CSMD1: variants seen among roughly 807,000 people sequenced by gnomAD.
The protein encoded by CSMD1 is CUB and Sushi multiple domains 1.
Under a neutral mutation model 417.5 loss-of-function variants are expected in CSMD1, and 213 were observed. The ratio of observed to expected loss-of-function variants is 0.51; its 90% CI spans 0.46 to 0.57. The LOEUF (loss-of-function observed/expected upper bound fraction) is 0.57. Among genes scored for constraint, CSMD1 ranks in the 20% least tolerant of loss-of-function variants. The pLI is 0.00. For synonymous variants in CSMD1, 2,862 were observed against 1,736.8 expected, an observed-to-expected ratio of 1.65 and a Z score of -16.11; for missense variants, 6,923 against 4,529.7, an observed-to-expected ratio of 1.53 and a Z score of -15.17.
chr8:3,284,363 A>C lies in CSMD1; in HGVS notation c.3951-17T>G. On this transcript the variant is annotated splice_polypyrimidine_tract_variant and intron_variant, in intron 25 of 69. Transcript: ENST00000635120. ...AAATGGAGGCTGCAAGAGAGAACAC[A>C]GTAGCGCTACTTGCCGTGCATCGAG... The C allele has an allele frequency of 6.3e-7, 1 of 1,596,784 alleles. No individual in the cohort carries two copies. The highest frequency in any genetic ancestry group is 8.6e-7 in the Non-Finnish European group (1 of 1,165,664).
intron 3 of CSMD1, among the ~76,000 whole-genome samples, chr8:4,037,156 T>A (rs1378792757): frequency 1.3e-5 from 2 of 152,260 alleles, no homozygotes; most frequent in African/African-American, 4.8e-5. Flanking sequence ...AGAGCTCACA[T>A]GTGTGTCAGT....
chr8:3,836,025 T>G (rs1233926504), intron 5 of CSMD1, among the ~76,000 whole-genome samples: 1 of 152,156 alleles, frequency 6.6e-6, no homozygotes, highest in East Asian at 1.9e-4. Context: ...TCATTTTCTG[T>G]TTCATTAGCT....
intron 3 of CSMD1, among the ~76,000 whole-genome samples, chr8:4,173,658 C>G (rs1267442977): frequency 6.6e-6 from 1 of 151,854 alleles, no homozygotes; most frequent in Admixed American, 6.6e-5. Context: ...TTTTCAGACC[C>G]AAAACTGTGA....
chr8:3,353,011 C>G (rs1349895083), intron 21 of CSMD1, among the ~76,000 whole-genome samples: 2 of 152,138 alleles, frequency 1.3e-5, no homozygotes, highest in African/African-American at 4.8e-5. Flanking sequence ...CAAGATCACA[C>G]AGGTGTGAGA....
At chr8:3,804,477 T>G (rs913132710) in intron 5 of CSMD1, among the ~76,000 whole-genome samples, 1 of 152,204 alleles carries the variant, frequency 6.6e-6, no homozygotes, top group Non-Finnish European at 1.5e-5. Context: ...GACTATGGAA[T>G]AATGGATTTG....
intron 1 of CSMD1, among the ~76,000 whole-genome samples, chr8:4,642,187 G>T (rs553753013): frequency 6.6e-6 from 1 of 152,130 alleles, no homozygotes; most frequent in Non-Finnish European, 1.5e-5. Flanking sequence ...TCGGGGCCCC[G>T]GTGAGCCATG....
chr8:4,460,951 C>G (rs1415206180), intron 2 of CSMD1, among the ~76,000 whole-genome samples: 1 of 151,064 alleles, frequency 6.6e-6, no homozygotes, highest in African/African-American at 2.5e-5. Flanking sequence ...CAAAGCCAGA[C>G]ATAGTTATAG....
chr8:3,441,912 G>C (rs1815007578), intron 12 of CSMD1, among the ~76,000 whole-genome samples: 2 of 152,046 alleles, frequency 1.3e-5, no homozygotes, highest in African/African-American at 2.4e-5. Flanking sequence ...AAGGCATTGA[G>C]ATCACTGAAC....
intron 1 of CSMD1, among the ~76,000 whole-genome samples, chr8:4,881,727 C>A (rs1803415047): frequency 6.6e-6 from 1 of 151,792 alleles, no homozygotes; most frequent in African/African-American, 2.4e-5. Flanking sequence ...AAAAAGCATG[C>A]AGCAGTGGTC....
intron 1 of CSMD1, among the ~76,000 whole-genome samples, chr8:4,789,502 G>T (rs1416073377): frequency 1.3e-5 from 2 of 152,092 alleles, no homozygotes; most frequent in Non-Finnish European, 2.9e-5. Flanking sequence ...AAATGCTAAA[G>T]CCACCTCACC....
At chr8:4,521,890 T>A (rs1325919179) in intron 2 of CSMD1, among the ~76,000 whole-genome samples, 1 of 152,194 alleles carries the variant, frequency 6.6e-6, no homozygotes, top group Non-Finnish European at 1.5e-5. Context: ...CAGGTCAAAT[T>A]GCACGCCATG....
chr8:4,673,920 G>C (rs911199991), intron 1 of CSMD1, among the ~76,000 whole-genome samples: 5 of 152,082 alleles, frequency 3.3e-5, no homozygotes, highest in African/African-American at 1.2e-4. Flanking sequence ...TGGGAGGATA[G>C]ATAAAAAGCC....
intron 3 of CSMD1, among the ~76,000 whole-genome samples, chr8:4,186,192 G>A (rs1021583200): frequency 3.9e-5 from 6 of 152,116 alleles, no homozygotes; most frequent in African/African-American, 1.2e-4. Context: ...ATGTTCCAGA[G>A]AACATTGTGG....
At chr8:3,502,105 C>T (rs1005169087) in intron 10 of CSMD1, among the ~76,000 whole-genome samples, 1 of 152,094 alleles carries the variant, frequency 6.6e-6, no homozygotes, top group Non-Finnish European at 1.5e-5. Context: ...CGTATGTCCA[C>T]ACAAATCCCA....
intron 1 of CSMD1, among the ~76,000 whole-genome samples, chr8:4,972,520 G>C: frequency 6.6e-6 from 1 of 152,132 alleles, no homozygotes; most frequent in East Asian, 1.9e-4. Context: ...CACCTGCCAT[G>C]ATTGTAAGTT....
chr8:3,461,134 G>A (rs1473430689), intron 12 of CSMD1, among the ~76,000 whole-genome samples: 2 of 152,174 alleles, frequency 1.3e-5, no homozygotes, highest in African/African-American at 4.8e-5. Context: ...TCATCGCTCT[G>A]CGGAACTGAG....
Position 3,956,170 on chromosome 8 carries a change from T to G in CSMD1, c.818+41733A>C, listed in dbSNP as rs987989436. ...TCTAATAATCTTAGATGCAAAAAGGTTGTACAATTTTGGGGTATTAACCAT... is the reference window on the plus strand; with the variant it reads ...TCTAATAATCTTAGATGCAAAAAGGGTGTACAATTTTGGGGTATTAACCAT... On this transcript the variant is annotated intron_variant, in intron 5 of 69. Coordinates refer to ENST00000635120, the MANE Select transcript of CSMD1 (RefSeq NM_033225.6). Among the ~76,000 whole-genome samples, 5 of 152,290 alleles carry G rather than the reference T, an allele frequency of 3.3e-5. No individual in the cohort carries two copies. The East Asian group carries it at 7.7e-4, about 24-fold the overall frequency.
chr8:3,014,942 AC>A (rs1213793118), intron 52 of CSMD1, among the ~76,000 whole-genome samples: 1 of 146,482 alleles, frequency 6.8e-6, no homozygotes, highest in Non-Finnish European at 1.5e-5. Context: ...ATAAATAAAA[AC>A]CTCCTAACCT....
At chr8:4,711,862 T>C (rs895457879) in intron 1 of CSMD1, among the ~76,000 whole-genome samples, 6 of 152,198 alleles carry the variant, frequency 3.9e-5, no homozygotes, top group African/African-American at 1.4e-4. Flanking sequence ...TCTTTGTTAA[T>C]AAGATGGTGA....
Sources: gnomAD v4.1 joint callset for allele counts (sites outside exome capture counted in the v4.1 genomes callset) on GRCh38, gnomAD v4.1.1 for gene constraint, MANE v1.5 for transcripts, NCBI Gene and HGNC (gene_info 2026-07-23, HGNC 2026-07-21) for gene names.